NKAIN2: variants seen among roughly 807,000 people sequenced by gnomAD.
NKAIN2 encodes the protein sodium/potassium transporting ATPase interacting 2, also known as sodium/potassium-transporting ATPase subunit beta-1-interacting protein 2.
A neutral mutation model predicts 32.6 loss-of-function variants in NKAIN2; 14 were observed. The ratio of observed to expected loss-of-function variants is 0.43; its 90% CI spans 0.28 to 0.67. NKAIN2 has a LOEUF of 0.67. Ranked by LOEUF, NKAIN2 falls within the 30% of genes least tolerant of loss-of-function variation. The probability of loss-of-function intolerance (pLI) is 0.17; values close to 1 mark genes in which losing one functional copy is unlikely to be tolerated. For synonymous variants in NKAIN2, 80 were observed against 87.2 expected (o/e 0.92, Z 0.46); for missense variants, 198 against 258.3 (o/e 0.77, Z 1.60).
chr6:124,539,722 A>G (rs566684042), intron 3 of NKAIN2, among the ~76,000 whole-genome samples: 1 of 151,998 alleles, frequency 6.6e-6, no homozygotes, highest in South Asian at 2.1e-4. Flanking sequence ...TTGTTTGTTC[A>G]TTTGTTTGTT....
At chr6:124,530,584 C>A (rs1779486143) in intron 3 of NKAIN2, among the ~76,000 whole-genome samples, 2 of 152,144 alleles carry the variant, frequency 1.3e-5, no homozygotes, top group East Asian at 3.9e-4. Context: ...TGTGTGTAGA[C>A]ATATAAGGAG....
At position 124,546,540 on chromosome 6, in the gene NKAIN2, AAGAT is replaced by A. The variant is rs372611148; in HGVS notation, c.274-111634_274-111631del. 3.3e-3 allele frequency among the ~76,000 whole-genome samples: 499 copies of A among 151,854 alleles called. 3 individuals carry two copies. Among genetic ancestry groups the A allele is most frequent in the African/African-American group, 9.7e-3 (404 of 41,474 alleles). ...TATATAAGATATAATATTATCTATT[AAGAT>A]AGATAGATAGAGATAAAAATAGATT... On this transcript the variant is annotated intron_variant, in intron 3 of 6. Coordinates refer to ENST00000368417, the MANE Select transcript of NKAIN2 (RefSeq NM_001040214.3).
intron 5 of NKAIN2, among the ~76,000 whole-genome samples, chr6:124,803,410 C>CA (rs1303662268): frequency 6.6e-6 from 1 of 152,202 alleles, no homozygotes; most frequent in Non-Finnish European, 1.5e-5. Flanking sequence ...CTTGACCATT[C>CA]ACTGGACAGT....
chr6:123,922,141 C>T (rs575823191), intron 1 of NKAIN2, among the ~76,000 whole-genome samples: 6 of 152,268 alleles, frequency 3.9e-5, no homozygotes, highest in Non-Finnish European at 7.4e-5. Flanking sequence ...TCTTCCATTT[C>T]TCAGAAGAGT....
At chr6:124,729,779 G>T (rs1318885768) in intron 4 of NKAIN2, among the ~76,000 whole-genome samples, 2 of 151,690 alleles carry the variant, frequency 1.3e-5, no homozygotes, top group East Asian at 2.0e-4. Context: ...GTCCCTCTTT[G>T]CAGATGACAT....
intron 5 of NKAIN2, among the ~76,000 whole-genome samples, chr6:124,794,620 A>G (rs1444391910): frequency 1.3e-5 from 2 of 152,150 alleles, no homozygotes; most frequent in Non-Finnish European, 1.5e-5. Flanking sequence ...AAATTTTTAT[A>G]CACAAGTAGA....
intron 1 of NKAIN2, among the ~76,000 whole-genome samples, chr6:124,264,736 C>A (rs1248586009): frequency 6.6e-6 from 1 of 152,132 alleles, no homozygotes; most frequent in African/African-American, 2.4e-5. Context: ...GTGATAAATT[C>A]TTGAGTAGGG....
intron 1 of NKAIN2, among the ~76,000 whole-genome samples, chr6:123,835,646 G>T (rs1304864461): frequency 6.6e-6 from 1 of 152,062 alleles, no homozygotes; most frequent in Non-Finnish European, 1.5e-5. Context: ...TTATTTTGTG[G>T]TTATGATCTT....
At chr6:123,963,339 T>A (rs943838131) in intron 1 of NKAIN2, among the ~76,000 whole-genome samples, 3 of 152,180 alleles carry the variant, frequency 2.0e-5, no homozygotes, top group Non-Finnish European at 4.4e-5. Flanking sequence ...AATTAAAGTG[T>A]CTTTTTTAAA....
intron 4 of NKAIN2, among the ~76,000 whole-genome samples, chr6:124,725,315 T>C (rs1304194241): frequency 6.6e-6 from 1 of 152,116 alleles, no homozygotes; most frequent in East Asian, 1.9e-4. Context: ...CATAGCTCAT[T>C]ACAGCCTCAA....
intron 3 of NKAIN2, among the ~76,000 whole-genome samples, chr6:124,424,296 T>TA (rs1289421585): frequency 2.0e-5 from 3 of 152,192 alleles, no homozygotes; most frequent in Non-Finnish European, 4.4e-5. Context: ...TAAAGGGGTA[T>TA]AATGTGCTGT....
intron 2 of NKAIN2, among the ~76,000 whole-genome samples, chr6:124,301,474 C>T (rs1004736815): frequency 6.6e-6 from 1 of 152,132 alleles, no homozygotes; most frequent in Non-Finnish European, 1.5e-5. Context: ...AGAAGAAGGC[C>T]ACCATCCTCC....
At chr6:124,611,423 C>A (rs1425567955) in intron 3 of NKAIN2, among the ~76,000 whole-genome samples, 2 of 152,094 alleles carry the variant, frequency 1.3e-5, no homozygotes, top group East Asian at 3.9e-4. Context: ...AGGTTTGTTA[C>A]ATAGGTATAC....
rs180979924 is a variant in NKAIN2 at position 124,281,271 on chromosome 6, T to C, written c.55-1734T>C. On this transcript the variant is annotated intron_variant, in intron 1 of 6. Coordinates refer to ENST00000368417, the MANE Select transcript of NKAIN2 (RefSeq NM_001040214.3). ...AGGCGGAGAGGGTTCTATGTTGAAA[T>C]GAACTTTTACACAGAAAATTAGCAA... 1.4e-4 allele frequency among the ~76,000 whole-genome samples: 22 copies of C among 152,334 alleles called. No homozygotes were observed. In the East Asian group the frequency reaches 4.2e-3, roughly 29 times the overall value.
chr6:124,211,195 T>C (rs1791155541), intron 1 of NKAIN2, among the ~76,000 whole-genome samples: 1 of 151,866 alleles, frequency 6.6e-6, no homozygotes, highest in African/African-American at 2.4e-5. Context: ...AATCCCAAAA[T>C]CTGCCAATAA....
intron 5 of NKAIN2, among the ~76,000 whole-genome samples, chr6:124,802,347 T>C (rs775905468): frequency 5.9e-5 from 9 of 152,186 alleles, no homozygotes; most frequent in Non-Finnish European, 1.2e-4. Flanking sequence ...TAGCTTGTAA[T>C]AACTGCTCCT....
intron 4 of NKAIN2, among the ~76,000 whole-genome samples, chr6:124,702,068 T>C (rs1292498110): frequency 6.6e-6 from 1 of 152,080 alleles, no homozygotes; most frequent in East Asian, 1.9e-4. Flanking sequence ...GAAGAATAGT[T>C]TGAAGTTGGG....
chr6:124,340,343 A>T (rs1223746394), intron 2 of NKAIN2, among the ~76,000 whole-genome samples: 1 of 152,130 alleles, frequency 6.6e-6, no homozygotes, highest in African/African-American at 2.4e-5. Flanking sequence ...CTATATGATT[A>T]TTTTTTAAAA....
At position 124,577,150 on chromosome 6, in the gene NKAIN2, G is replaced by C. The variant is rs148684737; in HGVS notation, c.274-81036G>C. Among the ~76,000 whole-genome samples the C allele has an allele frequency of 2.9e-3, 446 of 152,258 alleles. 1 individual carries two copies. The highest frequency in any genetic ancestry group is 4.6e-3 in the Non-Finnish European group (316 of 68,026). ...AGCAAGAAAGGAGATGGAGCAAGATGGCTGAATAGAAGCCTTCACCAGTCA... is the reference window on the plus strand; with the variant it reads ...AGCAAGAAAGGAGATGGAGCAAGATCGCTGAATAGAAGCCTTCACCAGTCA... On this transcript the variant is annotated intron_variant, in intron 3 of 6. Coordinates refer to ENST00000368417, the MANE Select transcript of NKAIN2 (RefSeq NM_001040214.3).
Sources: allele counts gnomAD v4.1 joint callset (sites outside exome capture counted in the v4.1 genomes callset), GRCh38; gene constraint gnomAD v4.1.1; transcripts MANE v1.5; gene names NCBI Gene and HGNC (gene_info 2026-07-23, HGNC 2026-07-21).